AJAP1: variants seen among roughly 807,000 people sequenced by gnomAD.
AJAP1 encodes adherens junction-associated protein 1.
A neutral mutation model predicts 35.0 loss-of-function variants in AJAP1; 5 were observed. The ratio of observed to expected loss-of-function variants is 0.14; its 90% CI spans 0.07 to 0.30. The LOEUF (loss-of-function observed/expected upper bound fraction) is 0.30. Ranked by LOEUF, AJAP1 falls within the 10% of genes least tolerant of loss-of-function variation. The pLI is 1.00. For missense variants in AJAP1, 586 were observed against 571.0 expected, an observed-to-expected ratio of 1.03 and a Z score of -0.27; for synonymous variants, 284 against 249.3, an observed-to-expected ratio of 1.14 and a Z score of -1.31.
chr1:4,710,356 C>T (rs1640202981), intron 1 of AJAP1, among the ~76,000 whole-genome samples: 1 of 152,200 alleles, frequency 6.6e-6, no homozygotes, highest in Non-Finnish European at 1.5e-5. Flanking sequence ...CTCGTGGACA[C>T]ACCCCCAGAT....
At chr1:4,745,261 C>T (rs1557636815) in intron 2 of AJAP1, among the ~76,000 whole-genome samples, 1 of 152,034 alleles carries the variant, frequency 6.6e-6, no homozygotes, top group Non-Finnish European at 1.5e-5. Context: ...GTTTTGGAGC[C>T]CTCCCACCTC....
rs116230643 is a variant in AJAP1 at position 4,734,852 on chromosome 1, C to T, written c.829+22153C>T. ...GGAAGCATCTTCTGCTTCCGAGGCC[C>T]GAAACAGTGGCGTTTCCTCTTCCCC... On this transcript the variant is annotated intron_variant, in intron 2 of 5. Transcript: ENST00000378191. This position sits in a 1 kb window ranked among gnomAD's most constrained non-coding sequence, Gnocchi z 4.3. 0.018 allele frequency among the ~76,000 whole-genome samples: 2,679 copies of T among 152,302 alleles called. 66 individuals are homozygous for T. Among genetic ancestry groups the T allele is most frequent in the South Asian group, 0.11 (547 of 4,822 alleles).
At chr1:4,741,190 T>C (rs1055420928) in intron 2 of AJAP1, among the ~76,000 whole-genome samples, 1 of 152,090 alleles carries the variant, frequency 6.6e-6, no homozygotes, top group Non-Finnish European at 1.5e-5. Context: ...GCCCAGGGTC[T>C]TGGCTAGATT....
chr1:4,771,943 C>T (rs560551492), intron 3 of AJAP1, among the ~76,000 whole-genome samples: 3 of 152,148 alleles, frequency 2.0e-5, no homozygotes, highest in Non-Finnish European at 4.4e-5. Context: ...CCCGTCGAGG[C>T]GTTCGTGGGG....
intron 2 of AJAP1, among the ~76,000 whole-genome samples, chr1:4,736,476 C>T (rs902338525): frequency 3.4e-4 from 51 of 152,230 alleles, no homozygotes; most frequent in African/African-American, 1.1e-3. Flanking sequence ...ACACATCTTC[C>T]TCTAATCCTC....
At chr1:4,766,727 G>A (rs1483402462) in intron 2 of AJAP1, among the ~76,000 whole-genome samples, 2 of 152,168 alleles carry the variant, frequency 1.3e-5, no homozygotes, top group Admixed American at 6.5e-5. Context: ...CTTATTTAAC[G>A]ACAGAATGTG....
intron 1 of AJAP1, among the ~76,000 whole-genome samples, chr1:4,662,271 G>A (rs765585752): frequency 2.0e-5 from 3 of 152,038 alleles, no homozygotes; most frequent in African/African-American, 4.8e-5. Flanking sequence ...AGCCTTTGAC[G>A]ACCACTCCTC....
intron 2 of AJAP1, among the ~76,000 whole-genome samples, chr1:4,730,820 C>T (rs1332821096): frequency 6.6e-6 from 1 of 152,160 alleles, no homozygotes; most frequent in Non-Finnish European, 1.5e-5. Context: ...TCAAGCAATG[C>T]TCAGACCTGG....
intron 2 of AJAP1, among the ~76,000 whole-genome samples, chr1:4,738,438 G>T (rs895666122): frequency 2.0e-5 from 3 of 152,364 alleles, no homozygotes; most frequent in East Asian, 1.9e-4. Context: ...TGATTAGGGG[G>T]TAGCTGGTCT....
At chr1:4,779,809 T>C (rs569521135) in intron 5 of AJAP1, among the ~76,000 whole-genome samples, 1 of 152,098 alleles carries the variant, frequency 6.6e-6, no homozygotes, top group South Asian at 2.1e-4. Flanking sequence ...TATCTCCCTT[T>C]TAAGAAAAAT....
At chr1:4,738,417 C>A (rs1259947173) in intron 2 of AJAP1, among the ~76,000 whole-genome samples, 1 of 152,216 alleles carries the variant, frequency 6.6e-6, no homozygotes, top group African/African-American at 2.4e-5. Flanking sequence ...TCTCTCTGAA[C>A]AAGGGGAGGG....
At chr1:4,711,573 G>T (rs1041419466) in intron 1 of AJAP1, among the ~76,000 whole-genome samples, 1 of 152,226 alleles carries the variant, frequency 6.6e-6, no homozygotes, top group African/African-American at 2.4e-5. Flanking sequence ...TGCCCTGAAA[G>T]GCTGGGGGTT....
At chr1:4,762,454 A>G (rs111849007) in intron 2 of AJAP1, among the ~76,000 whole-genome samples, 1 of 152,214 alleles carries the variant, frequency 6.6e-6, no homozygotes, top group African/African-American at 2.4e-5. Flanking sequence ...AGCCATGCCA[A>G]GGGTCACCTG....
At chr1:4,747,106 ACAGATGTGG>A (rs1641205681) in intron 2 of AJAP1, among the ~76,000 whole-genome samples, 1 of 152,204 alleles carries the variant, frequency 6.6e-6, no homozygotes, top group Non-Finnish European at 1.5e-5. Flanking sequence ...GCCAAAGGAG[ACAGATGTGG>A]CATCAAAGGG....
At chr1:4,711,814 C>T (rs2100265211) in intron 1 of AJAP1, 86 bp from the exon 2 acceptor site, 6 of 1,081,746 alleles carry the variant, frequency 5.5e-6, no homozygotes, top group Non-Finnish European at 7.7e-6. Context: ...CTTGTCACAG[C>T]GCGGGGTGGA....
rs1231194475 is a variant in AJAP1, at chr1:4,780,868, C to T, written c.*60-1677C>T. ...TCTCCTTTCTTTACATGCAGTGAAC[C>T]CTGTGCCCACAGCAGCTGGTCTTCC... On this transcript the variant is annotated intron_variant, in intron 5 of 5. Transcript: ENST00000378191. Among the ~76,000 whole-genome samples the T allele has an allele frequency of 2.0e-5, 3 of 151,986 alleles. No individual in the cohort carries two copies. In the East Asian group the frequency reaches 5.8e-4, roughly 29 times the overall value.
chr1:4,753,970 C>T lies in AJAP1; in HGVS notation c.830-15883C>T, dbSNP rs113985778. On this transcript the variant is annotated intron_variant, in intron 2 of 5. Coordinates refer to ENST00000378191, the MANE Select transcript of AJAP1 (RefSeq NM_018836.4). ...TTGTTTTTTCTCTTTGGTTTTTGTT[C>T]GCTTGGTTCTGTCCCCTGGTGTGCC... Among the ~76,000 whole-genome samples the T allele has an allele frequency of 6.8e-3, 1,027 of 152,120 alleles. 18 individuals are homozygous for T. The highest frequency in any genetic ancestry group is 0.022 in the African/African-American group (924 of 41,492).
intron 1 of AJAP1, among the ~76,000 whole-genome samples, chr1:4,701,057 G>A (rs1210182667): frequency 2.6e-5 from 4 of 152,232 alleles, no homozygotes; most frequent in Admixed American, 6.5e-5. Context: ...TCGCGGGCAC[G>A]TTGCCCAGGC....
In AJAP1 at chr1:4,712,246, T is replaced by C; in HGVS notation, c.376T>C (p.Ser126Pro). Residue 126 changes from serine (S) to proline (P), a missense_variant, in exon 2 of 6, where the codon TCC becomes CCC. Transcript: ENST00000378191. ...GGCCAAGCCCCCAGCTGCTGCCAAA[T>C]CCAGCCCTTCCCTCGCCTCTTCGTC... ...GLAKPPAAAKSSPSLASSSSS... is the reference protein window; with the variant it reads ...GLAKPPAAAKPSPSLASSSSS... 6.5e-7 allele frequency: 1 copy of C among 1,528,642 alleles called. No homozygotes were observed. Among genetic ancestry groups the C allele is most frequent in the Non-Finnish European group, 8.7e-7 (1 of 1,145,132 alleles). The allele number at this position is 1,528,642 out of a possible 1,614,324, so 94.7% of individuals were successfully genotyped here. A position where few individuals can be genotyped will look rare whatever the true frequency, so the allele number is the denominator to read the frequency against.
Sources: gnomAD v4.1 joint callset for allele counts (sites outside exome capture counted in the v4.1 genomes callset) on GRCh38, gnomAD v4.1.1 for gene constraint, Gnocchi (gnomAD v3.1) non-coding constraint, MANE v1.5 for transcripts, NCBI Gene and HGNC (gene_info 2026-07-23, HGNC 2026-07-21) for gene names.